SPCS2: variants seen among roughly 807,000 people sequenced by gnomAD.
SPCS2 encodes the protein SPase 25 kDa subunit.
SPCS2 carries 3 observed loss-of-function variants against 22.3 expected under a neutral mutation model. The observed-to-expected ratio is 0.13, with a 90% CI of 0.06 to 0.35. The LOEUF (loss-of-function observed/expected upper bound fraction) is 0.35, where lower values mean the gene tolerates loss of function less well. SPCS2 is among the 10% of genes least tolerant of loss of function. The probability of loss-of-function intolerance (pLI) is 1.00; values close to 1 mark genes in which losing one functional copy is unlikely to be tolerated. For synonymous variants in SPCS2, 67 were observed against 97.2 expected, an observed-to-expected ratio of 0.69 and a Z score of 1.83; for missense variants, 169 against 280.9, an observed-to-expected ratio of 0.60 and a Z score of 2.85.
chr11:74,967,645 A>T lies in SPCS2; in HGVS notation c.359+1722A>T, dbSNP rs532875838. Reference sequence around the variant, plus strand: ...ATGCCTGTAGTCCCAGATAGTTGGGAGGCTGAGGCACAAGAATCACTTGAA... The same window carrying T: ...ATGCCTGTAGTCCCAGATAGTTGGGTGGCTGAGGCACAAGAATCACTTGAA... On this transcript the variant is annotated intron_variant, in intron 3 of 4. Coordinates refer to ENST00000263672, the MANE Select transcript of SPCS2 (RefSeq NM_014752.3). 2.6e-5 allele frequency among the ~76,000 whole-genome samples: 4 copies of T among 152,336 alleles called. No individual in the cohort carries two copies. The South Asian group carries it at 8.3e-4, about 32-fold the overall frequency.
In SPCS2 at chr11:74,969,563, A is replaced by G. The variant is rs1376554912; in HGVS notation, c.360-2A>G. 1 of 1,612,680 alleles carries G rather than the reference A, an allele frequency of 6.2e-7. No individual in the cohort carries two copies. Among genetic ancestry groups the G allele is most frequent in the Non-Finnish European group, 8.5e-7 (1 of 1,179,224 alleles). On this transcript the variant is annotated splice_acceptor_variant, in intron 3 of 4. Coordinates refer to ENST00000263672, the MANE Select transcript of SPCS2 (RefSeq NM_014752.3). LOFTEE classifies it high-confidence loss of function. ...GTATTTTCCCCTTAACTTTATTTGA[A>G]CCTATTTTGTGATGATGGGGATTCT... is the stretch of plus-strand genomic sequence containing the variant.
rs202233756 is a variant in SPCS2, at chr11:74,965,922, T to G, written c.358T>G (p.Ser120Ala). The G allele has an allele frequency of 2.1e-5, 34 of 1,602,594 alleles. No homozygotes were observed. Among genetic ancestry groups the G allele is most frequent in the Non-Finnish European group, 2.8e-5 (33 of 1,176,282 alleles). ...SKPVLALCVI[S>A]YFVMMGILTI... ...ACCCGTTTTGGCTTTGTGTGTCATATCATATCCTTTATTTATGCTCAGGTT... is the reference window on the plus strand; with the variant it reads ...ACCCGTTTTGGCTTTGTGTGTCATAGCATATCCTTTATTTATGCTCAGGTT... The change falls in exon 3 of 5, where the codon TCC becomes GCC. Residue 120 changes from serine (S) to alanine (A), a missense_variant and splice_region_variant. Transcript: ENST00000263672.
At position 74,965,773 on chromosome 11, in the gene SPCS2, A is replaced by G. The variant is rs543306138; in HGVS notation, c.209A>G (p.Glu70Gly). 1.1e-4 allele frequency: 173 copies of G among 1,612,354 alleles called. No individual in the cohort carries two copies. The Admixed American group carries it at 2.9e-3, about 27-fold the overall frequency. Reference sequence around the variant, plus strand: ...TGTTTTTCTCACCAGGTACTTCTGGAAAAATACAAATATGTGGAGAATTTT... The same window carrying G: ...TGTTTTTCTCACCAGGTACTTCTGGGAAAATACAAATATGTGGAGAATTTT... ...LDDSAKKVLL[E>G]KYKYVENFGL... is the part of the protein sequence containing the mutation. The change falls in exon 3 of 5, where the codon GAA becomes GGA. Residue 70 changes from glutamate to glycine, a missense_variant. Around this residue, in one of 2 missense-constraint regions of SPCS2, gnomAD observed 118 missense variants for 243.1 expected, o/e 0.49. Coordinates refer to ENST00000263672, the MANE Select transcript of SPCS2 (RefSeq NM_014752.3).
chr11:74,963,707 C>G lies in SPCS2; in HGVS notation c.115-1327C>G, dbSNP rs762236724. On this transcript the variant is annotated intron_variant, in intron 1 of 4. Transcript: ENST00000263672. ...TGGCAGGTACTCACCACTGCCATCT[C>G]TTTATTTCTTATAGGCATTATCTTT... The G allele has an allele frequency of 1.2e-5, 4 of 340,104 alleles. No individual in the cohort carries two copies. In the East Asian group the frequency reaches 2.8e-4, roughly 23 times the overall value. 21.1% of individuals were successfully genotyped at this position (340,104 alleles called of 1,614,324 possible).
rs1201296425 is a variant in SPCS2, at chr11:74,965,743, T to A, written c.199-20T>A. 6.2e-7 allele frequency: 1 copy of A among 1,602,254 alleles called. No homozygotes were observed. The highest frequency in any genetic ancestry group is 8.5e-7 in the Non-Finnish European group (1 of 1,170,612). ...GGAGGAAGTATTCCTATTAGCTTGA[T>A]TCCTTGTTTTTCTCACCAGGTACTT... is the stretch of plus-strand genomic sequence containing the variant. On this transcript the variant is annotated intron_variant, in intron 2 of 4. Coordinates refer to ENST00000263672, the MANE Select transcript of SPCS2 (RefSeq NM_014752.3).
Position 74,965,994 on chromosome 11 carries a change from A to G in SPCS2, c.359+71A>G, listed in dbSNP as rs547792719. On this transcript the variant is annotated intron_variant, in intron 3 of 4. Coordinates refer to ENST00000263672, the MANE Select transcript of SPCS2 (RefSeq NM_014752.3). ...TAAATCTGCTGATATTTCTCCCTAC[A>G]AAAAACAAAACGGACTTTCATATTA... The G allele has an allele frequency of 2.8e-6, 4 of 1,441,206 alleles. No individual in the cohort carries two copies. The East Asian group carries it at 7.0e-5, about 25-fold the overall frequency. The allele number at this position is 1,441,206 out of a possible 1,614,324, so 89.3% of individuals were successfully genotyped here.
At chr11:74,973,730 C>G (rs1948600065) in intron 4 of SPCS2, among the ~76,000 whole-genome samples, 1 of 152,098 alleles carries the variant, frequency 6.6e-6, no homozygotes, top group African/African-American at 2.4e-5. Context: ...GTCCTCAAAC[C>G]TGCTAGGCCT....
chr11:74,949,378 C>T lies in SPCS2; in HGVS notation c.93C>T (p.Gly31=), dbSNP rs750093915. The T allele has an allele frequency of 1.9e-6, 3 of 1,551,404 alleles. No individual in the cohort carries two copies. In the African/African-American group the frequency reaches 4.1e-5, roughly 21 times the overall value. The change falls in exon 1 of 5, where the codon GGC becomes GGT. Residue 31 remains glycine, a synonymous_variant. Transcript: ENST00000263672. Reference sequence around the variant, plus strand: ...CTTCCAACTGCGGGACAGGAAGTGGCCGTAGCGGCTTGTTGGATAAGGTGA... The same window carrying T: ...CTTCCAACTGCGGGACAGGAAGTGGTCGTAGCGGCTTGTTGGATAAGGTGA... ...GGASNCGTGS[G]RSGLLDKWKI... is the part of the protein sequence containing the mutation.
Position 74,955,878 on chromosome 11 carries a change from A to ATG in SPCS2, c.114+6480_114+6481insGT, listed in dbSNP as rs1565484779. Among the ~76,000 whole-genome samples the ATG allele has an allele frequency of 1.7e-5, 2 of 117,318 alleles. 1 individual carries two copies. Among genetic ancestry groups the ATG allele is most frequent in the Non-Finnish European group, 3.4e-5 (2 of 59,078 alleles). 77.0% of individuals were successfully genotyped at this position (117,318 alleles called of 152,430 possible). A position where few individuals can be genotyped will look rare whatever the true frequency, so the allele number is the denominator to read the frequency against. ...TATATATATATATATATATATATAT[A>ATG]TATATATATCTGCCTGCCTAGGTAC... On this transcript the variant is annotated intron_variant, in intron 1 of 4. Transcript: ENST00000263672.
chr11:74,970,634 A>G (rs188008795), intron 4 of SPCS2, among the ~76,000 whole-genome samples: 12 of 152,312 alleles, frequency 7.9e-5, no homozygotes, highest in Admixed American at 2.6e-4. Flanking sequence ...CTCATTGCCA[A>G]CTTGTAGAAG....
intron 1 of SPCS2, among the ~76,000 whole-genome samples, chr11:74,956,245 G>A (rs947379295): frequency 5.3e-5 from 8 of 151,930 alleles, no homozygotes; most frequent in Non-Finnish European, 1.0e-4. Flanking sequence ...ATAACATGTA[G>A]AAGTTGCTGA....
intron 1 of SPCS2, among the ~76,000 whole-genome samples, chr11:74,951,029 C>G (rs1480600933): frequency 6.6e-6 from 1 of 152,210 alleles, no homozygotes; most frequent in Non-Finnish European, 1.5e-5. Context: ...CTCTTCCTTG[C>G]ACTTGGATCA....
At chr11:74,959,975 A>G (rs538745289) in intron 1 of SPCS2, among the ~76,000 whole-genome samples, 11 of 152,204 alleles carry the variant, frequency 7.2e-5, no homozygotes, top group South Asian at 4.1e-4. Flanking sequence ...ATAATGTTCT[A>G]TTAAAGCTAT....
chr11:74,976,046 T>C (rs1948611711), intron 4 of SPCS2, among the ~76,000 whole-genome samples: 1 of 152,172 alleles, frequency 6.6e-6, no homozygotes, highest in Non-Finnish European at 1.5e-5. Context: ...TTGGCATCCC[T>C]GGCCTGGGAT....
intron 3 of SPCS2, among the ~76,000 whole-genome samples, chr11:74,969,097 A>G (rs1326585800): frequency 1.3e-5 from 2 of 152,242 alleles, no homozygotes; most frequent in Non-Finnish European, 2.9e-5. Flanking sequence ...CTATATGCAT[A>G]TAGGAAGTAA....
chr11:74,974,671 G>T (rs1349914190), intron 4 of SPCS2, among the ~76,000 whole-genome samples: 1 of 152,168 alleles, frequency 6.6e-6, no homozygotes, highest in Non-Finnish European at 1.5e-5. Context: ...CTGGAGTGCA[G>T]TGGCGCGATC....
chr11:74,973,252 C>A (rs1205383629), intron 4 of SPCS2, among the ~76,000 whole-genome samples: 2 of 152,138 alleles, frequency 1.3e-5, no homozygotes, highest in Non-Finnish European at 2.9e-5. Flanking sequence ...CACATTGTGC[C>A]ACTTCTATGC....
chr11:74,962,832 A>G (rs1948521999), intron 1 of SPCS2, among the ~76,000 whole-genome samples: 1 of 152,198 alleles, frequency 6.6e-6, no homozygotes, highest in Admixed American at 6.5e-5. Flanking sequence ...CTTACTGAAG[A>G]TTGCTTCTAG....
chr11:74,965,718 G>C, intron 2 of SPCS2, 45 bp from the exon 3 acceptor site: 1 of 1,491,888 alleles, frequency 6.7e-7, no homozygotes, highest in Non-Finnish European at 9.3e-7. Context: ...CACATACTGG[G>C]GAGGAAGTAT....
Sources: allele counts gnomAD v4.1 joint callset (sites outside exome capture counted in the v4.1 genomes callset), GRCh38; gene constraint gnomAD v4.1.1; regional missense constraint gnomAD v4.1.1; transcripts MANE v1.5; gene names NCBI Gene and HGNC (gene_info 2026-07-23, HGNC 2026-07-21).